ELAVL4: variants seen among roughly 807,000 people sequenced by gnomAD.
ELAVL4 encodes the protein ELAV like RNA binding protein 4.
In ELAVL4, 1 loss-of-function variant was observed where a neutral mutation model predicts 35.6. The observed-to-expected ratio is 0.03, with a 90% confidence interval of 0.01 to 0.13. The LOEUF (loss-of-function observed/expected upper bound fraction) is 0.13. Ranked by LOEUF, ELAVL4 falls within the 10% of genes least tolerant of loss-of-function variation. The probability of loss-of-function intolerance (pLI) is 1.00; values close to 1 mark genes in which losing one functional copy is unlikely to be tolerated. For synonymous variants in ELAVL4, 156 were observed against 171.0 expected (o/e 0.91, Z 0.69); for missense variants, 267 against 464.9 (o/e 0.57, Z 3.91).
intron 3 of ELAVL4, among the ~76,000 whole-genome samples, chr1:50,178,876 A>G (rs1557841396): frequency 6.6e-6 from 1 of 152,090 alleles, no homozygotes; most frequent in Non-Finnish European, 1.5e-5. Flanking sequence ...CTGACCTTGA[A>G]CTGAAAAAGG....
chr1:50,144,495 A>G, intron 1 of ELAVL4: 1 of 453,794 alleles, frequency 2.2e-6, no homozygotes, highest in Non-Finnish European at 4.3e-6. Flanking sequence ...ACTTAATTTA[A>G]TGTCATTTTA....
At chr1:50,074,352 G>A (rs1398668889) in intron 1 of ELAVL4, among the ~76,000 whole-genome samples, 1 of 152,146 alleles carries the variant, frequency 6.6e-6, no homozygotes, top group Middle Eastern at 3.2e-3. Flanking sequence ...GATTTAAAGA[G>A]CATTCACAGG....
chr1:50,193,721 G>T (rs1344665005), intron 3 of ELAVL4, 44 bp from the exon 4 acceptor site: 1 of 1,592,804 alleles, frequency 6.3e-7, no homozygotes, highest in Non-Finnish European at 8.5e-7. Flanking sequence ...CTACTCTGAG[G>T]GTGATTGCCT....
At chr1:50,065,939 G>C (rs56252615) in intron 1 of ELAVL4, among the ~76,000 whole-genome samples, 28,854 of 151,956 alleles carry the variant, frequency 0.19, 3,353 homozygotes, top group East Asian at 0.41. Context: ...ATGACAGCTG[G>C]GCAGGGTACC....
chr1:50,154,427 C>G (rs1675359277), intron 2 of ELAVL4, among the ~76,000 whole-genome samples: 1 of 152,128 alleles, frequency 6.6e-6, no homozygotes, highest in Non-Finnish European at 1.5e-5. Context: ...TTCTGCATGT[C>G]CCTTATTTTG....
intron 1 of ELAVL4, among the ~76,000 whole-genome samples, chr1:50,137,033 A>G (rs1488243359): frequency 6.6e-6 from 1 of 152,198 alleles, no homozygotes; most frequent in African/African-American, 2.4e-5. Flanking sequence ...ATGCAAAACA[A>G]TAACGTGGGG....
chr1:50,132,717 G>A (rs1002083240), intron 1 of ELAVL4, among the ~76,000 whole-genome samples: 8 of 152,160 alleles, frequency 5.3e-5, no homozygotes, highest in Non-Finnish European at 1.2e-4. Flanking sequence ...CTCTGGGGAG[G>A]AGACAGAATC....
intron 4 of ELAVL4, among the ~76,000 whole-genome samples, chr1:50,194,986 G>A (rs1643945844): frequency 2.6e-5 from 4 of 152,174 alleles, no homozygotes; most frequent in Admixed American, 2.0e-4. Context: ...ATTGCCAGAG[G>A]CATTGAATGC....
At chr1:50,091,927 A>C (rs969104167) in intron 1 of ELAVL4, among the ~76,000 whole-genome samples, 1 of 152,088 alleles carries the variant, frequency 6.6e-6, no homozygotes, top group Non-Finnish European at 1.5e-5. Flanking sequence ...TGAGTACCCA[A>C]ATCTCTATAC....
In ELAVL4 at chr1:50,156,575, G is replaced by A. The variant is rs546135141; in HGVS notation, c.250+11378G>A. On this transcript the variant is annotated intron_variant, in intron 2 of 6. Transcript: ENST00000371824. ...GCAGGAGAATAGAATGGAAACTTAC[G>A]TTTACTAAGCACCTGCTAGATGCCA... 5.7e-4 allele frequency among the ~76,000 whole-genome samples: 87 copies of A among 152,232 alleles called. 1 individual carries two copies. The highest frequency in any genetic ancestry group is 1.9e-3 in the African/African-American group (79 of 41,544).
chr1:50,097,260 G>A, intron 1 of ELAVL4, among the ~76,000 whole-genome samples: 1 of 152,044 alleles, frequency 6.6e-6, no homozygotes, highest in East Asian at 1.9e-4. Flanking sequence ...ACCAGACTGG[G>A]CATTAGAGGA....
chr1:50,175,994 C>T (rs1321151975), intron 2 of ELAVL4: 1 of 152,232 alleles, frequency 6.6e-6, no homozygotes. Flanking sequence ...GAAGTTCAGG[C>T]TGGTTTTGCA....
rs1665378254 is a variant in ELAVL4, at chr1:50,089,090, T to TTC, written c.18+40908_18+40909insTC. ...GAAAGTGAATGAGCTCCTCAAATAT[T>TTC]ATCCGCCATTCTGCCACACTGCCAG... On this transcript the variant is annotated intron_variant, in intron 1 of 6. Transcript: ENST00000448907. Among the ~76,000 whole-genome samples, 3 of 152,160 alleles carry TTC rather than the reference T, an allele frequency of 2.0e-5. No individual in the cohort carries two copies. The South Asian group carries it at 6.2e-4, about 32-fold the overall frequency.
At chr1:50,078,584 C>T (rs924436512) in intron 1 of ELAVL4, among the ~76,000 whole-genome samples, 1 of 152,144 alleles carries the variant, frequency 6.6e-6, no homozygotes, top group Non-Finnish European at 1.5e-5. Context: ...ACTCCAAAGC[C>T]AGTAGGGCTA....
At chr1:50,182,614 A>G (rs1219196323) in intron 3 of ELAVL4, among the ~76,000 whole-genome samples, 1 of 152,200 alleles carries the variant, frequency 6.6e-6, no homozygotes, top group East Asian at 1.9e-4. Flanking sequence ...GTTCCAAGAA[A>G]GTTCATCTGT....
intron 3 of ELAVL4, among the ~76,000 whole-genome samples, chr1:50,183,956 G>A (rs552903409): frequency 3.9e-5 from 6 of 152,114 alleles, no homozygotes; most frequent in Non-Finnish European, 8.8e-5. Context: ...CAACCTGGGC[G>A]AGAATGCTTC....
At chr1:50,074,726 C>T (rs1285602573) in intron 1 of ELAVL4, among the ~76,000 whole-genome samples, 1 of 152,006 alleles carries the variant, frequency 6.6e-6, no homozygotes, top group African/African-American at 2.4e-5. Flanking sequence ...TAGGAATTTG[C>T]CAGATGAAGA....
At chr1:50,184,394 G>C (rs1313495876) in intron 3 of ELAVL4, among the ~76,000 whole-genome samples, 1 of 37,970 alleles carries the variant, frequency 2.6e-5, no homozygotes, top group Non-Finnish European at 8.0e-5. Context: ...GATGTGAGCT[G>C]CTTCAAAAAA....
intron 1 of ELAVL4, among the ~76,000 whole-genome samples, chr1:50,081,564 C>T (rs1173333272): frequency 2.0e-5 from 3 of 152,238 alleles, no homozygotes; most frequent in Non-Finnish European, 2.9e-5. Context: ...CTTTAATAAG[C>T]ACACCAGGGT....
Sources: gnomAD v4.1 joint callset for allele counts (sites outside exome capture counted in the v4.1 genomes callset) on GRCh38, gnomAD v4.1.1 for gene constraint, MANE v1.5 for transcripts, NCBI Gene and HGNC (gene_info 2026-07-23, HGNC 2026-07-21) for gene names.